ARHGAP20: variants seen among roughly 807,000 people sequenced by gnomAD.
ARHGAP20 encodes Rho GTPase activating protein 20.
ARHGAP20 carries 34 observed loss-of-function variants against 73.7 expected under a neutral mutation model. That is an observed-to-expected ratio of 0.46 (90% CI 0.35 to 0.61). The LOEUF is 0.61. Among genes scored for constraint, ARHGAP20 ranks in the 20% least tolerant of loss-of-function variants. ARHGAP20 has a pLI of 0.00. For synonymous variants in ARHGAP20, 523 were observed against 518.2 expected, an observed-to-expected ratio of 1.01 and a Z score of -0.13; for missense variants, 1,314 against 1,420.9, an observed-to-expected ratio of 0.92 and a Z score of 1.21.
At chr11:110,687,071 C>G (rs1209776156) in intron 2 of ARHGAP20, among the ~76,000 whole-genome samples, 1 of 111,518 alleles carries the variant, frequency 9.0e-6, no homozygotes, top group Non-Finnish European at 1.8e-5. Context: ...CACACACACA[C>G]ACACACATAT....
intron 1 of ARHGAP20, chr11:110,711,793 G>T: frequency 1.5e-6 from 2 of 1,350,044 alleles, no homozygotes; most frequent in Non-Finnish European, 1.9e-6. Flanking sequence ...TCGGGGAAAG[G>T]CGATCGCCCA....
chr11:110,590,282 C>T (rs1384302806), intron 11 of ARHGAP20, among the ~76,000 whole-genome samples: 4 of 152,136 alleles, frequency 2.6e-5, no homozygotes, highest in African/African-American at 7.2e-5. Context: ...AAACTGCCTT[C>T]ATTAAGAAGG....
At chr11:110,595,989 A>G (rs10891147) in intron 9 of ARHGAP20, among the ~76,000 whole-genome samples, 80,366 of 151,276 alleles carry the variant, frequency 0.53, 23,476 homozygotes, top group African/African-American at 0.8. Flanking sequence ...AAATAATGCC[A>G]CATGTCTACA....
At chr11:110,712,997 C>T (rs1475542999), upstream of ARHGAP20, 1 of 152,314 alleles carries the variant, frequency 6.6e-6, no homozygotes, top group Non-Finnish European at 1.5e-5. Flanking sequence ...CAATCCCGAA[C>T]GCTAGCCTGT....
chr11:110,580,156 G>A lies in ARHGAP20; in HGVS notation c.2790C>T (p.Cys930=). ...EKVLPPRLNL[C]PRTSYSSLSS... is the part of the protein sequence containing the mutation. ...ATAAGCTGGAATAGCTGGTCCTTGG[G>A]CAAAGGTTTAATCTTGGGGGTAAAA... Residue 930 remains cysteine (C), a synonymous_variant, in exon 15 of 15, where the codon TGC becomes TGT. Transcript: ENST00000683387. 6.2e-7 allele frequency: 1 copy of A among 1,614,192 alleles called. No homozygotes were observed. The highest frequency in any genetic ancestry group is 1.1e-5 in the South Asian group (1 of 91,070).
intron 2 of ARHGAP20, among the ~76,000 whole-genome samples, chr11:110,653,813 C>T (rs1949409956): frequency 6.6e-6 from 1 of 152,020 alleles, no homozygotes; most frequent in African/African-American, 2.4e-5. Context: ...ATGGAATCAA[C>T]TCAAATGCCT....
chr11:110,584,881 G>A (rs1348176786), intron 12 of ARHGAP20, among the ~76,000 whole-genome samples: 2 of 150,278 alleles, frequency 1.3e-5, no homozygotes, highest in East Asian at 3.9e-4. Flanking sequence ...GAATATATAT[G>A]TGAATGTAAA....
chr11:110,598,927 G>C (rs961373351), intron 9 of ARHGAP20, among the ~76,000 whole-genome samples: 1 of 151,468 alleles, frequency 6.6e-6, no homozygotes, highest in Non-Finnish European at 1.5e-5. Context: ...CATCTGAGTT[G>C]TGGTTGCAGG....
intron 2 of ARHGAP20, among the ~76,000 whole-genome samples, chr11:110,651,949 A>G (rs1040664662): frequency 2.0e-5 from 3 of 152,156 alleles, no homozygotes; most frequent in Admixed American, 6.6e-5. Context: ...AGAAAACTTC[A>G]GGTCAATATA....
At chr11:110,616,155 TA>T (rs140694233) in intron 4 of ARHGAP20, among the ~76,000 whole-genome samples, 5,612 of 149,368 alleles carry the variant, frequency 0.038, 142 homozygotes, top group Non-Finnish European at 0.056. Flanking sequence ...AAAGAAACAT[TA>T]AAAAAAAAAT....
At chr11:110,610,821 C>T (rs1948349537) in intron 7 of ARHGAP20, among the ~76,000 whole-genome samples, 1 of 152,110 alleles carries the variant, frequency 6.6e-6, no homozygotes, top group East Asian at 1.9e-4. Context: ...TTAGCCATAT[C>T]ATCCTTAGGA....
In ARHGAP20 at chr11:110,578,761, G is replaced by A. The variant is rs1462827163; in HGVS notation, c.*609C>T. ...GTACCCATGGCTTTTGAGTCACTCT[G>A]TTTTTCTCCACTCTAGCTGTAGCAA... On this transcript the variant is annotated 3_prime_UTR_variant, in exon 15 of 15. Coordinates refer to ENST00000683387, the MANE Select transcript of ARHGAP20 (RefSeq NM_001384657.1). The A allele has an allele frequency of 3.0e-6, 3 of 985,298 alleles. No individual in the cohort carries two copies. Among genetic ancestry groups the A allele is most frequent in the African/African-American group, 3.5e-5 (2 of 57,210 alleles). The allele number at this position is 985,298 out of a possible 1,614,324, so 61.0% of individuals were successfully genotyped here.
intron 2 of ARHGAP20, among the ~76,000 whole-genome samples, chr11:110,671,229 GA>G (rs537884414): frequency 2.1e-4 from 31 of 147,452 alleles, no homozygotes; most frequent in African/African-American, 5.2e-4. Flanking sequence ...CTAAAACAAA[GA>G]AAAAAAAACC....
intron 2 of ARHGAP20, among the ~76,000 whole-genome samples, chr11:110,669,627 C>T (rs1005179976): frequency 1.5e-4 from 23 of 152,054 alleles, no homozygotes; most frequent in South Asian, 4.1e-4. Flanking sequence ...AGAATGCACA[C>T]ATAGAATACT....
intron 9 of ARHGAP20, among the ~76,000 whole-genome samples, chr11:110,595,711 A>C (rs1360184433): frequency 6.6e-6 from 1 of 152,238 alleles, no homozygotes; most frequent in Non-Finnish European, 1.5e-5. Context: ...GAAAATGGCC[A>C]TACTGCCCAA....
intron 9 of ARHGAP20, among the ~76,000 whole-genome samples, chr11:110,600,292 C>T (rs1028562629): frequency 3.9e-5 from 6 of 152,254 alleles, no homozygotes; most frequent in Admixed American, 1.3e-4. Flanking sequence ...GTGACTCCCA[C>T]TTTGGATCCC....
rs562760895 is a variant in ARHGAP20 at position 110,686,724 on chromosome 11, A to G, written c.188+3823T>C. 7.9e-5 allele frequency among the ~76,000 whole-genome samples: 12 copies of G among 152,216 alleles called. No individual in the cohort carries two copies. The East Asian group carries it at 2.1e-3, about 27-fold the overall frequency. ...TGTTAAGTGTTCCTACAATTTTAAA[A>G]AAGAGTGCACAGAATTAACTATGGA... On this transcript the variant is annotated intron_variant, in intron 2 of 14. Transcript: ENST00000683387.
intron 2 of ARHGAP20, among the ~76,000 whole-genome samples, chr11:110,680,432 C>G (rs1950015322): frequency 6.6e-6 from 1 of 152,008 alleles, no homozygotes; most frequent in Non-Finnish European, 1.5e-5. Flanking sequence ...TCTGAGAAAT[C>G]CTAGCTTTCA....
chr11:110,711,773 C>T (rs1950663596), intron 1 of ARHGAP20: 15 of 1,351,470 alleles, frequency 1.1e-5, no homozygotes, highest in South Asian at 1.8e-5. Flanking sequence ...CCCAGGGGCA[C>T]GGCGAGGGGT....
Sources: allele counts gnomAD v4.1 joint callset (sites outside exome capture counted in the v4.1 genomes callset), GRCh38; gene constraint gnomAD v4.1.1; transcripts MANE v1.5; gene names NCBI Gene and HGNC (gene_info 2026-07-23, HGNC 2026-07-21).